The following C4orf54 variants were observed in gnomAD, a reference collection of about 807,000 sequenced individuals.
The protein encoded by C4orf54 is uncharacterized protein C4orf54.
A neutral mutation model predicts 80.1 loss-of-function variants in C4orf54; 67 were observed. The observed-to-expected ratio is 0.84, with a 90% CI of 0.69 to 1.03. C4orf54 has a LOEUF of 1.03. C4orf54 is among the 50% of genes least tolerant of loss of function. C4orf54 has a pLI of 0.00. For synonymous variants in C4orf54, 1,000 were observed against 917.0 expected (o/e 1.09, Z -1.64); for missense variants, 2,434 against 2,253.5 (o/e 1.08, Z -1.62).
chr4:99,651,106 T>A lies in C4orf54; in HGVS notation c.3543A>T (p.Arg1181Ser). ...CTTCTGGGGAGGAAGAATTCAAGAC[T>A]CTGCTGCCGCCCCCTTTGCCCATGC... Reference protein sequence around the residue: ...RESMGKGGGSRVLNSSSPEGT... With the variant: ...RESMGKGGGSSVLNSSSPEGT... The change falls in exon 2 of 3, where the codon AGA becomes AGT. Residue 1181 changes from arginine (R) to serine (S), a missense_variant. By Grantham distance (110) the Arg-to-Ser change is moderately radical. Coordinates refer to ENST00000511828, the MANE Select transcript of C4orf54 (RefSeq NM_001354435.2). 5 of 1,536,108 alleles carry A rather than the reference T, an allele frequency of 3.3e-6. No individual in the cohort carries two copies. The highest frequency in any genetic ancestry group is 4.4e-6 in the Non-Finnish European group (5 of 1,146,912).
Position 99,650,695 on chromosome 4 carries a change from C to T in C4orf54, c.3954G>A (p.Glu1318=), listed in dbSNP as rs1043968581. The T allele has an allele frequency of 1.3e-6, 2 of 1,536,008 alleles. No individual in the cohort carries two copies. Among genetic ancestry groups the T allele is most frequent in the Non-Finnish European group, 1.7e-6 (2 of 1,146,922 alleles). Residue 1318 remains glutamate (E), a synonymous_variant, in exon 2 of 3, where the codon GAG becomes GAA. Transcript: ENST00000511828. The stretch of plus-strand genomic sequence containing the variant: ...TGTTTCCTGTGCCCCGCTCTTCCAC[C>T]TCACCCAGCCGTTTGGACAGCTTGT... ...DHDKLSKRLG[E]VEERGTGNKA...
intron 2 of C4orf54, among the ~76,000 whole-genome samples, chr4:99,642,452 G>C (rs1048560674): frequency 6.6e-6 from 1 of 152,182 alleles, no homozygotes; most frequent in African/African-American, 2.4e-5. Context: ...GTAATAGTCT[G>C]AGAAATGAAG....
At position 99,651,364 on chromosome 4, in the gene C4orf54, C is replaced by T; in HGVS notation, c.3285G>A (p.Lys1095=). ...PHFQVRDIRD[K]SKAQGPLHQV... ...GGTGGAGGGGGCCTTGAGCCTTGGACTTGTCTCTGATGTCTCTCACCTGGA... is the reference window on the plus strand; with the variant it reads ...GGTGGAGGGGGCCTTGAGCCTTGGATTTGTCTCTGATGTCTCTCACCTGGA... Residue 1095 remains lysine (K), a synonymous_variant, in exon 2 of 3, where the codon AAG becomes AAA. Transcript: ENST00000511828. 2 of 1,536,164 alleles carry T rather than the reference C, an allele frequency of 1.3e-6. No individual in the cohort carries two copies. The highest frequency in any genetic ancestry group is 2.4e-5 in the South Asian group (2 of 84,060).
Position 99,650,593 on chromosome 4 carries a change from C to A in C4orf54, c.4056G>T (p.Val1352=), listed in dbSNP as rs1225088127. ...RRNSNPSAES[V]SARAAAFENL... ...TCTCAAAGGCCGCTGCCCTGGCAGA[C>A]ACACTCTCAGCGCTGGGGTTGGAGT... The change falls in exon 2 of 3, where the codon GTG becomes GTT. Residue 1352 remains valine (V), a synonymous_variant. Transcript: ENST00000511828. 1.3e-6 allele frequency: 2 copies of A among 1,536,068 alleles called. No homozygotes were observed. Among genetic ancestry groups the A allele is most frequent in the Non-Finnish European group, 1.7e-6 (2 of 1,146,882 alleles).
chr4:99,644,271 A>G (rs1726660773), intron 2 of C4orf54, among the ~76,000 whole-genome samples: 1 of 152,230 alleles, frequency 6.6e-6, no homozygotes, highest in African/African-American at 2.4e-5. Context: ...TAAATGATTA[A>G]TACATACTAG....
At chr4:99,642,734 C>T (rs1726627033) in intron 2 of C4orf54, among the ~76,000 whole-genome samples, 1 of 152,142 alleles carries the variant, frequency 6.6e-6, no homozygotes, top group Admixed American at 6.5e-5. Context: ...GGATGACTAC[C>T]CTGTGTCACC....
intron 2 of C4orf54, among the ~76,000 whole-genome samples, chr4:99,646,678 C>G (rs190164586): frequency 2.6e-5 from 4 of 152,302 alleles, no homozygotes; most frequent in African/African-American, 7.2e-5. Context: ...CTGTGAAATA[C>G]TGTGGTCAGA....
chr4:99,652,025 T>C lies in C4orf54; in HGVS notation c.2624A>G (p.Glu875Gly). ...QSSRHSEAGS[E>G]YTVVSMSDAG... ...GTCGGACATGCTGACCACTGTGTAC[T>C]CGGAGCCGGCCTCGGAGTGACGAGA... The change falls in exon 2 of 3, where the codon GAG (glutamate) becomes GGG (glycine). Residue 875 changes from glutamate (E) to glycine (G), a missense_variant. Transcript: ENST00000511828. 1 of 1,536,128 alleles carries C rather than the reference T, an allele frequency of 6.5e-7. No individual in the cohort carries two copies. The highest frequency in any genetic ancestry group is 8.7e-7 in the Non-Finnish European group (1 of 1,146,902).
chr4:99,644,762 CA>C (rs1183002546), intron 2 of C4orf54, among the ~76,000 whole-genome samples: 3 of 133,138 alleles, frequency 2.3e-5, no homozygotes, highest in African/African-American at 8.6e-5. Context: ...AAAAAAACTA[CA>C]AAAAAAGTGA....
chr4:99,642,982 A>C (rs1294594398), intron 2 of C4orf54, among the ~76,000 whole-genome samples: 1 of 152,160 alleles, frequency 6.6e-6, no homozygotes, highest in Non-Finnish European at 1.5e-5. Flanking sequence ...GAGATCAGCC[A>C]GCTAGCTCAA....
Position 99,657,276 on chromosome 4 carries a change from G to T in C4orf54, c.-32+219C>A, listed in dbSNP as rs554479051. ...TTTCCAGCACTTTTCATATGGCCTT[G>T]TCTGTCATGACAACAGATTTCAGCT... On this transcript the variant is annotated intron_variant, in intron 1 of 2. Transcript: ENST00000511828. Among the ~76,000 whole-genome samples, 7 of 152,354 alleles carry T rather than the reference G, an allele frequency of 4.6e-5. No homozygotes were observed. In the South Asian group the frequency reaches 6.2e-4, roughly 14 times the overall value.
At position 99,650,764 on chromosome 4, in the gene C4orf54, G is replaced by A. The variant is rs1240033202; in HGVS notation, c.3885C>T (p.Ala1295=). 7 of 1,536,150 alleles carry A rather than the reference G, an allele frequency of 4.6e-6. No individual in the cohort carries two copies. In the Admixed American group the frequency reaches 1.4e-4, roughly 30 times the overall value. Residue 1295 remains alanine, a synonymous_variant, in exon 2 of 3, where the codon GCC becomes GCT. Transcript: ENST00000511828. The part of the protein sequence containing the change: ...MMDSHVLSLI[A]SEEREGVVVA... ...CCACTACCCCTTCCCTCTCCTCACTGGCAATGAGCGACAGCACGTGGCTGT... is the reference window on the plus strand; with the variant it reads ...CCACTACCCCTTCCCTCTCCTCACTAGCAATGAGCGACAGCACGTGGCTGT...
At chr4:99,654,731 A>G in intron 1 of C4orf54, 52 bp from the exon 2 acceptor site, 1 of 619,758 alleles carries the variant, frequency 1.6e-6, no homozygotes, top group South Asian at 1.8e-5. Flanking sequence ...TTTAGTGTCC[A>G]TTCCGTAGTC....
rs1726585760 is a variant in C4orf54 at position 99,640,350 on chromosome 4, ACT to A, written c.*881_*882del. 6.6e-6 allele frequency: 1 copy of A among 152,158 alleles called. No individual in the cohort carries two copies. Among genetic ancestry groups the A allele is most frequent in the African/African-American group, 2.4e-5 (1 of 41,446 alleles). The allele number at this position is 152,158 out of a possible 1,614,324, so 9.4% of individuals were successfully genotyped here. A position where few individuals can be genotyped will look rare whatever the true frequency, so the allele number is the denominator to read the frequency against. ...CTGCCCCAAATGGGTCACTCTTTAG[ACT>A]CTAAACAATCCATGAGAGACACGAG... On this transcript the variant is annotated 3_prime_UTR_variant, in exon 3 of 3. Coordinates refer to ENST00000511828, the MANE Select transcript of C4orf54 (RefSeq NM_001354435.2).
Position 99,639,906 on chromosome 4 carries a change from C to G in C4orf54, c.*1327G>C, listed in dbSNP as rs995121971. The G allele has an allele frequency of 4.6e-5, 7 of 151,726 alleles. No individual in the cohort carries two copies. Among genetic ancestry groups the G allele is most frequent in the Admixed American group, 1.3e-4 (2 of 15,230 alleles). The allele number at this position is 151,726 out of a possible 1,614,324, so 9.4% of individuals were successfully genotyped here. A position where few individuals can be genotyped will look rare whatever the true frequency, so the allele number is the denominator to read the frequency against. On this transcript the variant is annotated 3_prime_UTR_variant, in exon 3 of 3. Coordinates refer to ENST00000511828, the MANE Select transcript of C4orf54 (RefSeq NM_001354435.2). ...AATATTAGGGTGTTTAAAAAATTAC[C>G]AGAATGCTTTATCTTTAAACAAATT...
At position 99,638,237 on chromosome 4, in the gene C4orf54, T is replaced by C. The variant is rs1375975884; in HGVS notation, c.*2996A>G. 6.6e-6 allele frequency: 1 copy of C among 152,184 alleles called. No homozygotes were observed. Among genetic ancestry groups the C allele is most frequent in the Admixed American group, 6.5e-5 (1 of 15,276 alleles). 9.4% of individuals were successfully genotyped at this position (152,184 alleles called of 1,614,324 possible). A position where few individuals can be genotyped will look rare whatever the true frequency, so the allele number is the denominator to read the frequency against. On this transcript the variant is annotated 3_prime_UTR_variant, in exon 3 of 3. Transcript: ENST00000511828. ...TAAATGGACATATAGAGAGCCTCTC[T>C]GCTATGTCATTACCTACATATCTGG...
chr4:99,650,015 G>C lies in C4orf54; in HGVS notation c.4634C>G (p.Ala1545Gly). Residue 1545 changes from alanine (A) to glycine (G), a missense_variant, in exon 2 of 3, where the codon GCC becomes GGC. By Grantham distance (60) the Ala-to-Gly change is moderately conservative. Coordinates refer to ENST00000511828, the MANE Select transcript of C4orf54 (RefSeq NM_001354435.2). ...CTCGGGGCTCTGTGGCCCTGGGGGG[G>C]CAGCTACTGTCTCCCGGGGGTTGTC... ...KPDNPRETVA[A>G]PPGPQSPEHP... The C allele has an allele frequency of 1.3e-6, 2 of 1,534,140 alleles. No individual in the cohort carries two copies. Among genetic ancestry groups the C allele is most frequent in the Non-Finnish European group, 8.7e-7 (1 of 1,145,290 alleles).
At position 99,651,076 on chromosome 4, in the gene C4orf54, T is replaced by A. The variant is rs1220491576; in HGVS notation, c.3573A>T (p.Thr1191=). Residue 1191 remains threonine (T), a synonymous_variant, in exon 2 of 3, where the codon ACA becomes ACT. Transcript: ENST00000511828. ...RVLNSSSPEG[T]VLVHRASGRL... ...TGCCAGATGCCCTGTGAACCAAGAC[T>A]GTCCCTTCTGGGGAGGAAGAATTCA... The A allele has an allele frequency of 1.3e-6, 2 of 1,536,136 alleles. No individual in the cohort carries two copies. Among genetic ancestry groups the A allele is most frequent in the Non-Finnish European group, 1.7e-6 (2 of 1,146,896 alleles).
At chr4:99,645,410 T>TAAAGA (rs1237730889) in intron 2 of C4orf54, among the ~76,000 whole-genome samples, 3 of 55,922 alleles carry the variant, frequency 5.4e-5, no homozygotes, top group African/African-American at 1.6e-4. Context: ...AGGCTTACAG[T>TAAAGA]AAAAAAAAAA....
Sources: gnomAD v4.1 joint callset for allele counts (sites outside exome capture counted in the v4.1 genomes callset) on GRCh38, gnomAD v4.1.1 for gene constraint, MANE v1.5 for transcripts, NCBI Gene and HGNC (gene_info 2026-07-23, HGNC 2026-07-21) for gene names.